The following GPBP1 variants were observed in gnomAD, a reference collection of about 807,000 sequenced individuals.
GPBP1 encodes the protein GC-rich promoter binding protein 1.
In GPBP1, 13 loss-of-function variants were observed where a neutral mutation model predicts 56.5. The ratio of observed to expected loss-of-function variants is 0.23; its 90% CI spans 0.15 to 0.37. The LOEUF is 0.37. Ranked by LOEUF, GPBP1 falls within the 10% of genes least tolerant of loss-of-function variation. The probability of loss-of-function intolerance (pLI) is 1.00; values close to 1 mark genes in which losing one functional copy is unlikely to be tolerated. For synonymous variants in GPBP1, 204 were observed against 188.9 expected (o/e 1.08, Z -0.66); for missense variants, 477 against 572.3 (o/e 0.83, Z 1.70).
In GPBP1 at chr5:57,182,661, G is replaced by A. The variant is rs535252099; in HGVS notation, c.-58+6261G>A. Among the ~76,000 whole-genome samples the A allele has an allele frequency of 1.2e-4, 18 of 151,884 alleles. No homozygotes were observed. The East Asian group carries it at 2.3e-3, about 20-fold the overall frequency. On this transcript the variant is annotated intron_variant, in intron 2 of 11. Transcript: ENST00000506184. ...GCTGGGATTACAGGCGTGAGCCACC[G>A]CACTCGGCTTCTTCTCTTTAATTCT...
At chr5:57,229,272 TTGTC>T (rs1372503472) in intron 3 of GPBP1, among the ~76,000 whole-genome samples, 2 of 115,208 alleles carry the variant, frequency 1.7e-5, no homozygotes, top group Non-Finnish European at 3.5e-5. Flanking sequence ...AAAAAAGGAG[TTGTC>T]TGTCTTCTCA....
intron 2 of GPBP1, among the ~76,000 whole-genome samples, chr5:57,203,072 TTAAG>T (rs1265855888): frequency 2.6e-5 from 4 of 152,198 alleles, no homozygotes; most frequent in African/African-American, 7.2e-5. Context: ...TATATGAAAG[TTAAG>T]TAAGTTCGTT....
intron 10 of GPBP1, among the ~76,000 whole-genome samples, chr5:57,258,831 T>C (rs1482489290): frequency 6.6e-6 from 1 of 152,228 alleles, no homozygotes; most frequent in Admixed American, 6.5e-5. Flanking sequence ...CAGCCTCTGG[T>C]GGAGAAGTAG....
chr5:57,180,512 A>G (rs981253214), intron 2 of GPBP1, among the ~76,000 whole-genome samples: 10 of 152,178 alleles, frequency 6.6e-5, no homozygotes, highest in Admixed American at 1.3e-4. Context: ...GTTTAGATCT[A>G]TCAATGTTTA....
chr5:57,219,433 A>G (rs5012224), intron 3 of GPBP1, among the ~76,000 whole-genome samples: 55,622 of 106,478 alleles, frequency 0.52, 17,555 homozygotes, highest in East Asian at 0.87. Context: ...AAAAAAAACA[A>G]CAAAACCACA....
At chr5:57,241,087 T>C (rs893067327) in intron 6 of GPBP1, among the ~76,000 whole-genome samples, 5 of 152,282 alleles carry the variant, frequency 3.3e-5, no homozygotes, top group Admixed American at 6.5e-5. Context: ...GAGATTCTAG[T>C]TGTAGCTTTG....
intron 2 of GPBP1, among the ~76,000 whole-genome samples, chr5:57,204,181 G>A (rs74723003): frequency 0.014 from 2,082 of 152,210 alleles, 117 homozygotes; most frequent in East Asian, 0.097. Context: ...GAATAAAAAT[G>A]TCATAGTTTT....
intron 3 of GPBP1, among the ~76,000 whole-genome samples, chr5:57,224,850 T>G (rs200589142): frequency 6.6e-6 from 1 of 151,666 alleles, no homozygotes; most frequent in African/African-American, 2.4e-5. Context: ...TTCTAACTTA[T>G]TAGATTCTCT....
At chr5:57,177,369 T>C (rs1340766930) in intron 2 of GPBP1, among the ~76,000 whole-genome samples, 1 of 152,108 alleles carries the variant, frequency 6.6e-6, no homozygotes, top group Non-Finnish European at 1.5e-5. Flanking sequence ...AATTTTTTTT[T>C]CTCTTTGACT....
intron 2 of GPBP1, among the ~76,000 whole-genome samples, chr5:57,193,689 G>A (rs1579988063): frequency 1.3e-5 from 2 of 151,584 alleles, no homozygotes; most frequent in South Asian, 2.1e-4. Flanking sequence ...AGGATTAGGC[G>A]TGTTTAAAAA....
At chr5:57,180,537 C>G (rs935821525) in intron 2 of GPBP1, among the ~76,000 whole-genome samples, 2 of 152,066 alleles carry the variant, frequency 1.3e-5, no homozygotes, top group Non-Finnish European at 2.9e-5. Flanking sequence ...ACGTTTAGAT[C>G]CAGGTAAGGT....
intron 2 of GPBP1, among the ~76,000 whole-genome samples, chr5:57,203,136 C>G (rs1183533858): frequency 1.3e-5 from 2 of 152,074 alleles, no homozygotes; most frequent in East Asian, 3.8e-4. Flanking sequence ...TTTAATATGT[C>G]TCAAAAATTG....
intron 10 of GPBP1, among the ~76,000 whole-genome samples, chr5:57,257,341 AG>A (rs1741710850): frequency 6.6e-6 from 1 of 151,642 alleles, no homozygotes; most frequent in South Asian, 2.1e-4. Flanking sequence ...GGCCAGTGAT[AG>A]GTTTTTTAAG....
intron 2 of GPBP1, among the ~76,000 whole-genome samples, chr5:57,178,613 T>C (rs913278581): frequency 2.0e-5 from 3 of 152,220 alleles, no homozygotes; most frequent in Non-Finnish European, 4.4e-5. Flanking sequence ...TAAAGATTAC[T>C]CCAGAGATCA....
At chr5:57,255,736 G>C (rs757774150) in intron 10 of GPBP1, among the ~76,000 whole-genome samples, 3 of 152,172 alleles carry the variant, frequency 2.0e-5, no homozygotes, top group Non-Finnish European at 4.4e-5. Context: ...CATACCTTTA[G>C]AAAATGTTTC....
chr5:57,200,959 C>G (rs1004977529), intron 2 of GPBP1, among the ~76,000 whole-genome samples: 12 of 151,508 alleles, frequency 7.9e-5, no homozygotes, highest in African/African-American at 2.7e-4. Flanking sequence ...ATTACAGGTG[C>G]AAGCCACCAT....
rs113486216 is a variant in GPBP1 at position 57,255,856 on chromosome 5, T to C, written c.1160+4715T>C. On this transcript the variant is annotated intron_variant, in intron 10 of 11. Coordinates refer to ENST00000506184, the MANE Select transcript of GPBP1 (RefSeq NM_022913.4). Reference sequence around the variant, plus strand: ...TGGTTCTTCTTTCATTTAGGAAGACTTGTGGAAGAGAGACTTTAGTTTCAT... The same window carrying C: ...TGGTTCTTCTTTCATTTAGGAAGACCTGTGGAAGAGAGACTTTAGTTTCAT... Among the ~76,000 whole-genome samples the C allele has an allele frequency of 5.1e-3, 781 of 152,338 alleles. 6 individuals are homozygous for C. The highest frequency in any genetic ancestry group is 9.5e-3 in the Non-Finnish European group (648 of 68,036).
intron 5 of GPBP1, among the ~76,000 whole-genome samples, chr5:57,231,903 A>G (rs1012869134): frequency 2.6e-5 from 4 of 152,218 alleles, no homozygotes; most frequent in African/African-American, 9.6e-5. Context: ...AATTTGGAAC[A>G]TACTTGATAA....
At chr5:57,213,274 C>T (rs1393837112) in intron 2 of GPBP1, among the ~76,000 whole-genome samples, 1 of 152,090 alleles carries the variant, frequency 6.6e-6, no homozygotes, top group Non-Finnish European at 1.5e-5. Context: ...TGGTCTCGAA[C>T]TCCTGACTTC....
Sources: gnomAD v4.1 joint callset for allele counts (sites outside exome capture counted in the v4.1 genomes callset) on GRCh38, gnomAD v4.1.1 for gene constraint, MANE v1.5 for transcripts, NCBI Gene and HGNC (gene_info 2026-07-23, HGNC 2026-07-21) for gene names.